DSCAM: variants seen among roughly 807,000 people sequenced by gnomAD.
The protein encoded by DSCAM is DS cell adhesion molecule, also known as cell adhesion molecule DSCAM.
A neutral mutation model predicts 217.7 loss-of-function variants in DSCAM; 47 were observed. That is an observed-to-expected ratio of 0.22 (90% CI 0.17 to 0.28). The LOEUF (loss-of-function observed/expected upper bound fraction) is 0.28, where lower values mean the gene tolerates loss of function less well. Ranked by LOEUF, DSCAM falls within the 10% of genes least tolerant of loss-of-function variation. The probability of loss-of-function intolerance (pLI) is 1.00; values close to 1 mark genes in which losing one functional copy is unlikely to be tolerated. For synonymous variants in DSCAM, 1,056 were observed against 1,015.3 expected, an observed-to-expected ratio of 1.04 and a Z score of -0.76; for missense variants, 2,080 against 2,618.3, an observed-to-expected ratio of 0.79 and a Z score of 4.49.
intron 3 of DSCAM, among the ~76,000 whole-genome samples, chr21:40,393,363 C>G (rs2075150971): frequency 1.3e-5 from 2 of 152,154 alleles, no homozygotes; most frequent in Admixed American, 1.3e-4. Flanking sequence ...AAGATTTAAA[C>G]ATGAAAAGAC....
intron 3 of DSCAM, among the ~76,000 whole-genome samples, chr21:40,691,909 G>A (rs1054419733): frequency 8.5e-5 from 13 of 152,344 alleles, no homozygotes; most frequent in African/African-American, 1.4e-4. Flanking sequence ...GTGTGTCACC[G>A]TGAGGGTTTA....
rs996242575 is a variant in DSCAM at position 40,060,587 on chromosome 21, G to A, written c.4919+2282C>T. The stretch of plus-strand genomic sequence containing the variant: ...AGGCCCGGGGTGGGGTAGGGGTGGG[G>A]GCTGCGGTGGTGAGCAAACTCACGC... On this transcript the variant is annotated intron_variant, in intron 28 of 32. Transcript: ENST00000400454. Among the ~76,000 whole-genome samples the A allele has an allele frequency of 7.9e-5, 12 of 152,106 alleles. No individual in the cohort carries two copies. In the East Asian group the frequency reaches 2.3e-3, roughly 30 times the overall value.
chr21:40,812,387 G>T (rs950815026), intron 1 of DSCAM, among the ~76,000 whole-genome samples: 1 of 152,130 alleles, frequency 6.6e-6, no homozygotes, highest in Non-Finnish European at 1.5e-5. Flanking sequence ...CAGCTTGGGA[G>T]TCCATGCATT....
At chr21:40,778,611 C>T (rs1372053083) in intron 1 of DSCAM, among the ~76,000 whole-genome samples, 2 of 151,808 alleles carry the variant, frequency 1.3e-5, no homozygotes, top group East Asian at 3.9e-4. Flanking sequence ...TAAGTAAGTA[C>T]AGTAAAAGTA....
At chr21:40,552,060 A>T (rs1288345376) in intron 3 of DSCAM, among the ~76,000 whole-genome samples, 3 of 152,174 alleles carry the variant, frequency 2.0e-5, no homozygotes, top group Non-Finnish European at 4.4e-5. Context: ...TCACACCTGT[A>T]ATCCCAGCAC....
Position 40,846,885 on chromosome 21 carries a change from C to G in DSCAM, c.-224G>C, listed in dbSNP as rs2092151102. On this transcript the variant is annotated 5_prime_UTR_variant, in exon 1 of 33. Transcript: ENST00000400454. Reference sequence around the variant, plus strand: ...CGCTGCGCTCCTGCACACCTGCTCCCGGGCGCCGCGCCCCACGCTGCGGCC... The same window carrying G: ...CGCTGCGCTCCTGCACACCTGCTCCGGGGCGCCGCGCCCCACGCTGCGGCC... 1 of 151,334 alleles carries G rather than the reference C, an allele frequency of 6.6e-6. No individual in the cohort carries two copies. Among genetic ancestry groups the G allele is most frequent in the Non-Finnish European group, 1.5e-5 (1 of 67,896 alleles). 9.4% of individuals were successfully genotyped at this position (151,334 alleles called of 1,614,324 possible).
At chr21:40,686,480 T>G (rs972146624) in intron 3 of DSCAM, among the ~76,000 whole-genome samples, 26 of 152,110 alleles carry the variant, frequency 1.7e-4, no homozygotes, top group Non-Finnish European at 3.5e-4. Context: ...CACACACCCC[T>G]CCTGATATCC....
At chr21:40,019,256 G>A (rs2088219892) in intron 32 of DSCAM, among the ~76,000 whole-genome samples, 1 of 152,170 alleles carries the variant, frequency 6.6e-6, no homozygotes, top group African/African-American at 2.4e-5. Context: ...GTGACCATGG[G>A]GACATTGGCA....
chr21:40,090,746 C>T (rs1033044268), intron 21 of DSCAM, among the ~76,000 whole-genome samples: 7 of 152,294 alleles, frequency 4.6e-5, no homozygotes, highest in Admixed American at 2.0e-4. Context: ...GATATCCAGA[C>T]GCTGACCCGC....
intron 1 of DSCAM, among the ~76,000 whole-genome samples, chr21:40,744,456 GTTTGGAAATTAAGTTCC>G (rs151056526): frequency 0.49 from 74,418 of 151,692 alleles, 19,980 homozygotes; most frequent in African/African-American, 0.73. Flanking sequence ...AAACAACTGA[GTTTGGAAATTAAGTTCC>G]TTTGGAAATT....
At chr21:40,465,009 G>T (rs1304433308) in intron 3 of DSCAM, among the ~76,000 whole-genome samples, 1 of 152,080 alleles carries the variant, frequency 6.6e-6, no homozygotes, top group East Asian at 1.9e-4. Context: ...GAAGTGCTGG[G>T]ATTACAGGTG....
chr21:40,388,864 T>G (rs996091239), intron 3 of DSCAM, among the ~76,000 whole-genome samples: 1 of 152,170 alleles, frequency 6.6e-6, no homozygotes, highest in Admixed American at 6.5e-5. Context: ...CTCCCCACAT[T>G]TTCCCACTTA....
chr21:40,700,938 T>A (rs2090649731), intron 2 of DSCAM, among the ~76,000 whole-genome samples: 1 of 152,106 alleles, frequency 6.6e-6, no homozygotes, highest in Non-Finnish European at 1.5e-5. Context: ...ATTTTCACCA[T>A]GTTGGCCGGG....
chr21:40,210,320 C>T (rs974434519), intron 11 of DSCAM, among the ~76,000 whole-genome samples: 2 of 152,202 alleles, frequency 1.3e-5, no homozygotes, highest in African/African-American at 4.8e-5. Flanking sequence ...TGTATATATT[C>T]ACATTTATTG....
At chr21:40,767,651 A>G (rs2091405340) in intron 1 of DSCAM, among the ~76,000 whole-genome samples, 2 of 152,220 alleles carry the variant, frequency 1.3e-5, no homozygotes, top group South Asian at 4.1e-4. Flanking sequence ...CCAGGGTGGG[A>G]GCATCTCATG....
intron 3 of DSCAM, among the ~76,000 whole-genome samples, chr21:40,558,242 C>G (rs1179924116): frequency 6.6e-6 from 1 of 151,862 alleles, no homozygotes; most frequent in Admixed American, 6.6e-5. Flanking sequence ...GTCAGGAGAT[C>G]GAGACCATCC....
chr21:40,756,976 C>CATAT (rs35592258), intron 1 of DSCAM, among the ~76,000 whole-genome samples: 6 of 149,604 alleles, frequency 4.0e-5, no homozygotes, highest in South Asian at 2.1e-4. Context: ...AACAAATGGT[C>CATAT]GTGTGTGTGT....
chr21:40,639,642 A>G (rs2089852911), intron 3 of DSCAM, among the ~76,000 whole-genome samples: 1 of 151,932 alleles, frequency 6.6e-6, no homozygotes, highest in African/African-American at 2.4e-5. Context: ...AATAATGTAC[A>G]ATTTGTATGG....
At chr21:40,319,850 C>T (rs1302518725) in intron 8 of DSCAM, among the ~76,000 whole-genome samples, 1 of 152,144 alleles carries the variant, frequency 6.6e-6, no homozygotes, top group Non-Finnish European at 1.5e-5. Context: ...AAAAATACCC[C>T]ATGGAATACT....
Sources: allele counts gnomAD v4.1 joint callset (sites outside exome capture counted in the v4.1 genomes callset), GRCh38; gene constraint gnomAD v4.1.1; transcripts MANE v1.5; gene names NCBI Gene and HGNC (gene_info 2026-07-23, HGNC 2026-07-21).